IQGAP2: variants seen among roughly 807,000 people sequenced by gnomAD.
IQGAP2 encodes ras GTPase-activating-like protein IQGAP2.
A neutral mutation model predicts 201.3 loss-of-function variants in IQGAP2; 173 were observed. The ratio of observed to expected loss-of-function variants is 0.86; its 90% CI spans 0.76 to 0.98. IQGAP2 has a LOEUF of 0.98. Ranked by LOEUF, IQGAP2 falls within the 50% of genes least tolerant of loss-of-function variation. IQGAP2 has a pLI of 0.00. For synonymous variants in IQGAP2, 675 were observed against 673.9 expected, an observed-to-expected ratio of 1.00 and a Z score of -0.03; for missense variants, 1,687 against 1,864.8, an observed-to-expected ratio of 0.90 and a Z score of 1.76.
At chr5:76,694,439 A>G (rs912302404) in intron 31 of IQGAP2, among the ~76,000 whole-genome samples, 6 of 152,174 alleles carry the variant, frequency 3.9e-5, no homozygotes, top group Non-Finnish European at 5.9e-5. Context: ...TGAATAAGTG[A>G]CTAAGAACAC....
At chr5:76,456,279 C>G (rs751103943) in intron 1 of IQGAP2, among the ~76,000 whole-genome samples, 14 of 152,160 alleles carry the variant, frequency 9.2e-5, no homozygotes, top group Non-Finnish European at 1.9e-4. Flanking sequence ...GTTTCAGATT[C>G]TTTAGAGTGC....
At chr5:76,611,228 T>A in intron 13 of IQGAP2, 45 bp downstream of exon 13, 1 of 1,491,252 alleles carries the variant, frequency 6.7e-7, no homozygotes, top group South Asian at 1.2e-5. Flanking sequence ...ACAGGCTGGG[T>A]GGCAGAGGGA....
intron 3 of IQGAP2, among the ~76,000 whole-genome samples, chr5:76,569,784 T>C (rs1744991272): frequency 6.6e-6 from 1 of 152,202 alleles, no homozygotes; most frequent in African/African-American, 2.4e-5. Flanking sequence ...GTGCTATGCA[T>C]TTAATTAGTG....
intron 17 of IQGAP2, among the ~76,000 whole-genome samples, chr5:76,646,535 G>A (rs420138): frequency 0.62 from 94,042 of 151,992 alleles, 29,255 homozygotes; most frequent in South Asian, 0.78. Flanking sequence ...GAGAAGCACC[G>A]TTAAGATCAC....
At chr5:76,672,747 A>G (rs1346217377) in intron 24 of IQGAP2, among the ~76,000 whole-genome samples, 1 of 152,140 alleles carries the variant, frequency 6.6e-6, no homozygotes, top group Non-Finnish European at 1.5e-5. Flanking sequence ...ACACCCATCA[A>G]TATGCGAGGC....
intron 33 of IQGAP2, among the ~76,000 whole-genome samples, chr5:76,698,764 G>A (rs13188539): frequency 0.33 from 49,890 of 151,862 alleles, 8,334 homozygotes; most frequent in Non-Finnish European, 0.35. Flanking sequence ...TAAATATGTA[G>A]TACAATATTT....
chr5:76,618,055 A>G (rs760969413), intron 13 of IQGAP2: 1 of 1,614,058 alleles, frequency 6.2e-7, no homozygotes, highest in African/African-American at 1.3e-5. Flanking sequence ...ACTGTTGCCC[A>G]CACCAGTCCA....
At chr5:76,466,343 G>C (rs1183172446) in intron 2 of IQGAP2, among the ~76,000 whole-genome samples, 1 of 151,830 alleles carries the variant, frequency 6.6e-6, no homozygotes, top group Non-Finnish European at 1.5e-5. Flanking sequence ...TCAAAAACAA[G>C]AACAAAAATA....
At chr5:76,626,803 CTT>C (rs369692837) in intron 13 of IQGAP2, among the ~76,000 whole-genome samples, 1 of 152,072 alleles carries the variant, frequency 6.6e-6, no homozygotes, top group African/African-American at 2.4e-5. Context: ...CCCGGGAAGA[CTT>C]TTTGGAGTAG....
rs1163799958 is a variant in IQGAP2 at position 76,575,777 on chromosome 5, G to A, written c.458+8G>A. ...TTGCATTCACGCACTGAGGTAGGGG[G>A]AAAATGCAGCTAAAAGGTGCTCTAA... On this transcript the variant is annotated splice_region_variant and intron_variant, in intron 5 of 35. Transcript: ENST00000274364. The A allele has an allele frequency of 2.0e-6, 3 of 1,518,988 alleles. No homozygotes were observed. Among genetic ancestry groups the A allele is most frequent in the South Asian group, 2.6e-5 (2 of 77,532 alleles). The allele number at this position is 1,518,988 out of a possible 1,614,324, so 94.1% of individuals were successfully genotyped here. A position where few individuals can be genotyped will look rare whatever the true frequency, so the allele number is the denominator to read the frequency against.
chr5:76,636,374 G>A (rs544553599), intron 15 of IQGAP2, among the ~76,000 whole-genome samples: 2 of 152,296 alleles, frequency 1.3e-5, no homozygotes, highest in Admixed American at 1.3e-4. Context: ...TCTAAGTCAT[G>A]ACTACCATAG....
chr5:76,685,184 T>C (rs992630995), intron 30 of IQGAP2, among the ~76,000 whole-genome samples: 1 of 152,122 alleles, frequency 6.6e-6, no homozygotes, highest in Non-Finnish European at 1.5e-5. Context: ...CCAAGGCAGA[T>C]GAAAATTTCA....
At chr5:76,644,179 C>T (rs1021011984) in intron 17 of IQGAP2, among the ~76,000 whole-genome samples, 4 of 151,852 alleles carry the variant, frequency 2.6e-5, no homozygotes, top group Admixed American at 2.0e-4. Flanking sequence ...TACAGATACT[C>T]TGCACAGAAA....
intron 13 of IQGAP2, chr5:76,623,384 C>G (rs1749905433): frequency 1.3e-6 from 1 of 767,772 alleles, no homozygotes; most frequent in Non-Finnish European, 2.1e-6. Flanking sequence ...GAAACTTGCC[C>G]TGGTCCTCCG....
intron 2 of IQGAP2, among the ~76,000 whole-genome samples, chr5:76,551,659 C>CCCAGA: frequency 6.6e-6 from 1 of 152,118 alleles, no homozygotes; most frequent in African/African-American, 2.4e-5. Context: ...TGGAGACCAG[C>CCCAGA]CCAGCCAACA....
chr5:76,596,402 TG>T (rs890332382), intron 9 of IQGAP2, among the ~76,000 whole-genome samples: 10 of 152,230 alleles, frequency 6.6e-5, no homozygotes, highest in Non-Finnish European at 1.3e-4. Context: ...ATTTCATTTT[TG>T]TTCTCTGAAA....
chr5:76,551,456 G>A (rs555193415), intron 2 of IQGAP2, among the ~76,000 whole-genome samples: 3 of 152,194 alleles, frequency 2.0e-5, no homozygotes, highest in South Asian at 4.1e-4. Context: ...ACAGGGTGGC[G>A]GCCGGGCAGA....
chr5:76,429,846 G>A (rs1752260199), intron 1 of IQGAP2, among the ~76,000 whole-genome samples: 1 of 123,282 alleles, frequency 8.1e-6, no homozygotes, highest in South Asian at 2.8e-4. Flanking sequence ...CCAGCTGAAT[G>A]AAAAGGAGAC....
chr5:76,589,819 G>C (rs1580534290), intron 7 of IQGAP2, 91 bp downstream of exon 7: 1 of 619,660 alleles, frequency 1.6e-6, no homozygotes, highest in East Asian at 3.2e-5. Flanking sequence ...AGAATATTTA[G>C]AAGATACTTT....
Sources: gnomAD v4.1 joint callset for allele counts (sites outside exome capture counted in the v4.1 genomes callset) on GRCh38, gnomAD v4.1.1 for gene constraint, MANE v1.5 for transcripts, NCBI Gene and HGNC (gene_info 2026-07-23, HGNC 2026-07-21) for gene names.